TG: variants seen among roughly 807,000 people sequenced by gnomAD.
The protein encoded by TG is thyroglobulin, also known as thyroid hormones.
TG carries 270 observed loss-of-function variants against 324.7 expected under a neutral mutation model. The ratio of observed to expected loss-of-function variants is 0.83; its 90% CI spans 0.75 to 0.92. The LOEUF is 0.92. Ranked by LOEUF, TG falls within the 40% of genes least tolerant of loss-of-function variation. The probability of loss-of-function intolerance (pLI) is 0.00; values close to 1 mark genes in which losing one functional copy is unlikely to be tolerated. For missense variants in TG, 3,591 were observed against 3,456.4 expected, an observed-to-expected ratio of 1.04 and a Z score of -0.98; for synonymous variants, 1,401 against 1,327.0, an observed-to-expected ratio of 1.06 and a Z score of -1.21.
rs1025058488 is a variant in TG, at chr8:133,026,526, C to T, written c.7037-3295C>T. ...CATCTGGCACCAAGTTGTTGTTCCT[C>T]TCTGTCTGGCAAAGCAATGCAGTGA... On this transcript the variant is annotated intron_variant, in intron 40 of 47. Transcript: ENST00000220616. Among the ~76,000 whole-genome samples, 3 of 152,314 alleles carry T rather than the reference C, an allele frequency of 2.0e-5. No individual in the cohort carries two copies. In the South Asian group the frequency reaches 6.2e-4, roughly 32 times the overall value.
At chr8:132,958,552 T>C (rs987766397) in intron 27 of TG, among the ~76,000 whole-genome samples, 1 of 152,090 alleles carries the variant, frequency 6.6e-6, no homozygotes, top group African/African-American at 2.4e-5. Context: ...ACCCTGTCTC[T>C]ACTAAAAATA....
In TG at chr8:132,977,489, A is replaced by C. The variant is rs75918437; in HGVS notation, c.6199+4748A>C. Among the ~76,000 whole-genome samples, 1,328 of 152,244 alleles carry C rather than the reference A, an allele frequency of 8.7e-3. 14 individuals carry two copies. Among genetic ancestry groups the C allele is most frequent in the African/African-American group, 0.03 (1,262 of 41,524 alleles). ...GTCCATTTTCATGCTGCTGATAAAGACATACTGATAAAGACTGGTTAATTT... is the reference window on the plus strand; with the variant it reads ...GTCCATTTTCATGCTGCTGATAAAGCCATACTGATAAAGACTGGTTAATTT... On this transcript the variant is annotated intron_variant, in intron 34 of 47. Coordinates refer to ENST00000220616, the MANE Select transcript of TG (RefSeq NM_003235.5).
At chr8:132,909,102 G>T (rs1271990535) in intron 18 of TG, among the ~76,000 whole-genome samples, 1 of 152,168 alleles carries the variant, frequency 6.6e-6, no homozygotes, top group Non-Finnish European at 1.5e-5. Context: ...CATGTGATGG[G>T]ACATCACTGA....
Position 133,022,057 on chromosome 8 carries a change from C to T in TG, c.6943C>T (p.Pro2315Ser). 6.2e-7 allele frequency: 1 copy of T among 1,614,184 alleles called. No homozygotes were observed. The highest frequency in any genetic ancestry group is 8.5e-7 in the Non-Finnish European group (1 of 1,180,026). Reference protein sequence around the residue: ...TMDREESEGWPAIDGSFLAAV... With the variant: ...TMDREESEGWSAIDGSFLAAV... ...GGACAGGGAGGAGAGTGAAGGATGG[C>T]CGGCTATCGACGGCTCCTTCTTGGC... Residue 2315 changes from proline (P) to serine (S), a missense_variant, in exon 40 of 48, where the codon CCG becomes TCG. Transcript: ENST00000220616.
intron 34 of TG, 130 bp from the exon 35 acceptor site, chr8:132,983,220 G>C: frequency 3.2e-6 from 3 of 940,378 alleles, no homozygotes; most frequent in Non-Finnish European, 5.3e-6. Flanking sequence ...GACCGATACA[G>C]GTTGGGACAA....
chr8:132,974,369 C>T (rs1178298912), intron 34 of TG, among the ~76,000 whole-genome samples: 1 of 152,196 alleles, frequency 6.6e-6, no homozygotes. Flanking sequence ...CTTCACGTCC[C>T]TGCCGTTTCA....
chr8:133,044,449 G>A (rs1838916546), intron 41 of TG, among the ~76,000 whole-genome samples: 1 of 152,120 alleles, frequency 6.6e-6, no homozygotes, highest in Non-Finnish European at 1.5e-5. Flanking sequence ...AGCCTGTTGA[G>A]GAATACAGCC....
chr8:132,961,892 G>A (rs554345981), intron 28 of TG, among the ~76,000 whole-genome samples: 2 of 152,310 alleles, frequency 1.3e-5, no homozygotes, highest in East Asian at 3.9e-4. Flanking sequence ...GAGCAGGAAG[G>A]CACAGACTTG....
intron 23 of TG, 37 bp from the exon 24 acceptor site, chr8:132,933,524 G>A (rs759246349): frequency 2.2e-5 from 36 of 1,600,074 alleles, no homozygotes; most frequent in Admixed American, 5.0e-5. Context: ...CATCCCCCGG[G>A]AAAGCCAGGT....
intron 43 of TG, chr8:133,106,546 A>G: frequency 1.3e-6 from 1 of 784,022 alleles, no homozygotes; most frequent in Non-Finnish European, 1.5e-6. Context: ...CTCTGCCCTC[A>G]TCACTCCACT....
intron 39 of TG, among the ~76,000 whole-genome samples, chr8:133,020,271 A>G (rs1014112095): frequency 2.0e-5 from 3 of 152,166 alleles, no homozygotes; most frequent in Admixed American, 6.5e-5. Context: ...TCCGGGCCCC[A>G]TCCTGACCTT....
In TG at chr8:132,888,039, C is replaced by T. The variant is rs1815679391; in HGVS notation, c.2232C>T (p.Ala744=). Residue 744 remains alanine (A), a synonymous_variant, in exon 10 of 48, where the codon GCC becomes GCT. Transcript: ENST00000220616. ...AAGCTTTCCTCAGGACGGTGCAGGCCCTGCTCTCTAACTCCAGCATGCTAC... is the reference window on the plus strand; with the variant it reads ...AAGCTTTCCTCAGGACGGTGCAGGCTCTGCTCTCTAACTCCAGCATGCTAC... ...SEQAFLRTVQ[A]LLSNSSMLPT... 1.2e-6 allele frequency: 2 copies of T among 1,614,012 alleles called. No individual in the cohort carries two copies. Among genetic ancestry groups the T allele is most frequent in the African/African-American group, 2.7e-5 (2 of 74,906 alleles).
intron 32 of TG, among the ~76,000 whole-genome samples, chr8:132,970,976 G>A (rs1409128030): frequency 6.6e-6 from 1 of 152,156 alleles, no homozygotes; most frequent in East Asian, 1.9e-4. Flanking sequence ...TGTGGCTTGG[G>A]TTCAGGGAAG....
At position 132,936,060 on chromosome 8, in the gene TG, C is replaced by T. The variant is rs568113020; in HGVS notation, c.5041+196C>T. Among the ~76,000 whole-genome samples, 10 of 152,322 alleles carry T rather than the reference C, an allele frequency of 6.6e-5. No homozygotes were observed. In the East Asian group the frequency reaches 1.9e-3, roughly 29 times the overall value. ...GCTCCTCAGGCAGGCACTGATCTCC[C>T]CTGGGACTGCAAAGATATTTCCACA... is the stretch of plus-strand genomic sequence containing the variant. On this transcript the variant is annotated intron_variant, in intron 25 of 47. Transcript: ENST00000220616.
chr8:132,880,733 T>G (rs1284816038), intron 5 of TG, among the ~76,000 whole-genome samples: 1 of 152,230 alleles, frequency 6.6e-6, no homozygotes, highest in Non-Finnish European at 1.5e-5. Context: ...CAATACTGAT[T>G]CAGTTGTACA....
chr8:133,011,017 C>T (rs1052497957), intron 35 of TG, among the ~76,000 whole-genome samples: 8 of 152,134 alleles, frequency 5.3e-5, no homozygotes, highest in African/African-American at 9.7e-5. Flanking sequence ...TAAAGGAAGA[C>T]GTCTTAGCTG....
intron 32 of TG, 63 bp from the exon 33 acceptor site, chr8:132,971,731 A>C: frequency 8.5e-7 from 1 of 1,175,388 alleles, no homozygotes; most frequent in Non-Finnish European, 1.3e-6. Flanking sequence ...CCATCAGCCC[A>C]CCCAGTAGGT....
chr8:133,025,667 G>A (rs140222863), intron 40 of TG, among the ~76,000 whole-genome samples: 11 of 152,270 alleles, frequency 7.2e-5, no homozygotes, highest in African/African-American at 1.4e-4. Flanking sequence ...TGGACCCACC[G>A]TTACAAGGTC....
intron 25 of TG, among the ~76,000 whole-genome samples, chr8:132,938,118 T>C (rs1312518234): frequency 6.6e-6 from 1 of 152,136 alleles, no homozygotes; most frequent in Non-Finnish European, 1.5e-5. Context: ...CTCTGTAAAA[T>C]GGGACTGTGT....
Sources: gnomAD v4.1 joint callset for allele counts (sites outside exome capture counted in the v4.1 genomes callset) on GRCh38, gnomAD v4.1.1 for gene constraint, MANE v1.5 for transcripts, NCBI Gene and HGNC (gene_info 2026-07-23, HGNC 2026-07-21) for gene names.